The following DIP2A variants were observed in gnomAD, a reference collection of about 807,000 sequenced individuals.
DIP2A encodes the protein DIP2 acetate--CoA ligase A.
A neutral mutation model predicts 177.4 loss-of-function variants in DIP2A; 85 were observed. That is an observed-to-expected ratio of 0.48 (90% CI 0.40 to 0.57). DIP2A has a LOEUF of 0.57. Ranked by LOEUF, DIP2A falls within the 20% of genes least tolerant of loss-of-function variation. The pLI is 0.00. For synonymous variants in DIP2A, 886 were observed against 881.8 expected, an observed-to-expected ratio of 1.00 and a Z score of -0.08; for missense variants, 1,791 against 2,100.2, an observed-to-expected ratio of 0.85 and a Z score of 2.88.
downstream of DIP2A, among the ~76,000 whole-genome samples, chr21:46,573,984 A>G (rs77587985): frequency 0.038 from 5,788 of 152,266 alleles, 139 homozygotes; most frequent in Middle Eastern, 0.092. Flanking sequence ...GGCTTTAAAC[A>G]GCACAACAAA....
In DIP2A at chr21:46,567,671, C is replaced by T. The variant is rs2060876615; in HGVS notation, c.*49C>T. ...CGGAGATGAATGAGCCCCAGCAGTC[C>T]AAGGTGTGATGTGGGAAGACACCGC... On this transcript the variant is annotated 3_prime_UTR_variant, in exon 38 of 38. Transcript: ENST00000417564. 6.5e-7 allele frequency: 1 copy of T among 1,542,720 alleles called. No homozygotes were observed. Among genetic ancestry groups the T allele is most frequent in the African/African-American group, 1.4e-5 (1 of 73,216 alleles).
chr21:46,524,575 C>T (rs1484054540), intron 8 of DIP2A, among the ~76,000 whole-genome samples: 2 of 152,126 alleles, frequency 1.3e-5, no homozygotes, highest in African/African-American at 4.8e-5. Flanking sequence ...AAGAGAGGCT[C>T]CTTGGACCTT....
At chr21:46,506,878 G>A (rs1303805263) in intron 6 of DIP2A, among the ~76,000 whole-genome samples, 1 of 140,724 alleles carries the variant, frequency 7.1e-6, no homozygotes, top group Non-Finnish European at 1.5e-5. Context: ...TTGGCTCACT[G>A]CAACATCCAC....
chr21:46,558,217 C>T lies in DIP2A; in HGVS notation c.3799-6C>T. The T allele has an allele frequency of 6.2e-7, 1 of 1,607,474 alleles. No individual in the cohort carries two copies. Among genetic ancestry groups the T allele is most frequent in the Non-Finnish European group, 8.5e-7 (1 of 1,177,142 alleles). ...GCCGTGGCCTGACCGCTCACCCCTC[C>T]CGCAGATGAAGGGGGTGAACCTGTC... On this transcript the variant is annotated splice_polypyrimidine_tract_variant and splice_region_variant and intron_variant, in intron 31 of 37. Transcript: ENST00000417564.
chr21:46,564,258 G>A (rs73375721), intron 35 of DIP2A, among the ~76,000 whole-genome samples: 2,583 of 152,310 alleles, frequency 0.017, 85 homozygotes, highest in African/African-American at 0.059. Context: ...CAGCTGCTAC[G>A]TAAACGTGGT....
the DIP2A span, among the ~76,000 whole-genome samples, chr21:46,575,521 G>A: frequency 6.6e-6 from 1 of 152,080 alleles, no homozygotes; most frequent in Admixed American, 6.5e-5. Flanking sequence ...AAGGCCTAAA[G>A]ATTCCACAAA....
In DIP2A at chr21:46,533,578, G is replaced by T; in HGVS notation, c.1360G>T (p.Ala454Ser). 6 of 1,614,022 alleles carry T rather than the reference G, an allele frequency of 3.7e-6. No individual in the cohort carries two copies. The highest frequency in any genetic ancestry group is 1.1e-5 in the South Asian group (1 of 91,082). ...FLLGSCGVFL[A>S]LTTDACQKGL... is the part of the protein sequence containing the mutation. ...GCTGGGCAGCTGTGGAGTCTTCTTG[G>T]CCCTGACCACAGACGCTTGTCAGAA... Residue 454 changes from alanine (A) to serine (S), a missense_variant, in exon 11 of 38, where the codon GCC becomes TCC. Coordinates refer to ENST00000417564, the MANE Select transcript of DIP2A (RefSeq NM_015151.4).
intron 1 of DIP2A, among the ~76,000 whole-genome samples, chr21:46,468,765 A>C (rs911881837): frequency 1.3e-5 from 2 of 152,198 alleles, no homozygotes; most frequent in Admixed American, 1.3e-4. Context: ...GTTTATGGTG[A>C]TGGTTTCACA....
At chr21:46,550,254 G>A (rs2060222355) in intron 22 of DIP2A, 4 of 622,736 alleles carry the variant, frequency 6.4e-6, no homozygotes, top group Non-Finnish European at 8.1e-6. Context: ...TTGAGGCTTT[G>A]TGCCCTTTCA....
rs1316545713 is a variant in DIP2A at position 46,549,934 on chromosome 21, AC to A, written c.2637+54del. 3.1e-6 allele frequency: 5 copies of A among 1,600,840 alleles called. No individual in the cohort carries two copies. In the African/African-American group the frequency reaches 5.4e-5, roughly 17 times the overall value. ...GGTTCGGTGAATCTCCCAAGCTGGC[AC>A]CCCCACTCCACTCCAAGTGCCAAGT... On this transcript the variant is annotated intron_variant, in intron 22 of 37. Transcript: ENST00000417564.
At chr21:46,512,965 T>A (rs940320467) in intron 8 of DIP2A, among the ~76,000 whole-genome samples, 2 of 152,166 alleles carry the variant, frequency 1.3e-5, no homozygotes, top group Admixed American at 6.5e-5. Flanking sequence ...TGGCCTCTTA[T>A]TTCTTTGTAT....
Position 46,557,682 on chromosome 21 carries a change from GTCACC to G in DIP2A, c.3729_3733del (p.Thr1244LeufsTer98). ...GGCCGTCAGCCAGTACAAGGCCCGC[GTCACC>G]TTCTGCTCCTACTCTGTGATGGAGA... On this transcript the variant is annotated frameshift_variant, in exon 31 of 38. Transcript: ENST00000417564. LOFTEE classifies it high-confidence loss of function. This position sits in a 1 kb window ranked among gnomAD's most constrained non-coding sequence, Gnocchi z 6.0. 6.2e-7 allele frequency: 1 copy of G among 1,613,604 alleles called. No individual in the cohort carries two copies. The highest frequency in any genetic ancestry group is 8.5e-7 in the Non-Finnish European group (1 of 1,179,848).
intron 25 of DIP2A, 72 bp downstream of exon 25, chr21:46,551,976 A>T: frequency 6.8e-7 from 1 of 1,476,960 alleles, no homozygotes; most frequent in Non-Finnish European, 9.2e-7. Flanking sequence ...TGTCTAGTTC[A>T]TGGTGCCAGT....
rs376125206 is a variant in DIP2A, at chr21:46,537,279, C to G, written c.1698C>G (p.Gly566=). ...DFKRDAGLWH[G]VLTSVMNRMH... ...AAAGGGATGCTGGTCTGTGGCATGG[C>G]GTGTTAACAGTGAGTGTTGTTTGCT... Residue 566 remains glycine (G), a synonymous_variant, in exon 14 of 38, where the codon GGC becomes GGG. Transcript: ENST00000417564. The surrounding 1 kb of genome is among the most constrained non-coding windows in gnomAD (Gnocchi z 4.1). The G allele has an allele frequency of 2.5e-6, 4 of 1,613,974 alleles. No homozygotes were observed. Among genetic ancestry groups the G allele is most frequent in the Non-Finnish European group, 3.4e-6 (4 of 1,179,862 alleles).
At chr21:46,527,505 T>C (rs751115970) in intron 8 of DIP2A, among the ~76,000 whole-genome samples, 2 of 152,034 alleles carry the variant, frequency 1.3e-5, no homozygotes, top group East Asian at 1.9e-4. Flanking sequence ...TTTGTATTTT[T>C]AGTAGAGACA....
intron 1 of DIP2A, among the ~76,000 whole-genome samples, chr21:46,460,316 T>C (rs2054187207): frequency 6.6e-6 from 1 of 152,266 alleles, no homozygotes; most frequent in African/African-American, 2.4e-5. Flanking sequence ...TGTGTCCTGA[T>C]ATTCCTTTTG....
intron 1 of DIP2A, among the ~76,000 whole-genome samples, chr21:46,478,798 G>A (rs954076174): frequency 1.3e-5 from 2 of 150,876 alleles, no homozygotes; most frequent in African/African-American, 2.4e-5. Flanking sequence ...TAAACATATT[G>A]ATTATGGTTA....
At chr21:46,482,305 A>T (rs1025932918) in intron 1 of DIP2A, among the ~76,000 whole-genome samples, 1 of 152,204 alleles carries the variant, frequency 6.6e-6, no homozygotes, top group Non-Finnish European at 1.5e-5. Context: ...CCACATATAT[A>T]ACAGTGGCTC....
At chr21:46,468,703 C>T (rs1003873712) in intron 1 of DIP2A, among the ~76,000 whole-genome samples, 1 of 152,056 alleles carries the variant, frequency 6.6e-6, no homozygotes, top group African/African-American at 2.4e-5. Flanking sequence ...GTTAAATGTT[C>T]TTATCACAAA....
Sources: gnomAD v4.1 joint callset for allele counts (sites outside exome capture counted in the v4.1 genomes callset) on GRCh38, gnomAD v4.1.1 for gene constraint, Gnocchi (gnomAD v3.1) non-coding constraint, MANE v1.5 for transcripts, NCBI Gene and HGNC (gene_info 2026-07-23, HGNC 2026-07-21) for gene names.